NEU3: variants seen among roughly 807,000 people sequenced by gnomAD.
NEU3 encodes sialidase-3.
A neutral mutation model predicts 11.4 loss-of-function variants in NEU3; 10 were observed. The observed-to-expected ratio is 0.88, with a 90% CI of 0.54 to 1.49. NEU3 has a LOEUF of 1.49. Ranked by LOEUF, NEU3 falls within the 40% of genes most tolerant of loss-of-function variation. The pLI, the probability that NEU3 is intolerant of heterozygous loss-of-function variation, is 0.00. For synonymous variants in NEU3, 212 were observed against 228.2 expected, an observed-to-expected ratio of 0.93 and a Z score of 0.64; for missense variants, 529 against 581.8, an observed-to-expected ratio of 0.91 and a Z score of 0.93.
At chr11:75,002,625 T>C (rs1948857354) in intron 2 of NEU3, among the ~76,000 whole-genome samples, 2 of 152,168 alleles carry the variant, frequency 1.3e-5, no homozygotes, top group African/African-American at 4.8e-5. Flanking sequence ...GCACAAAACA[T>C]AAATGTCAGC....
At chr11:75,012,658 A>G (rs1948963885), downstream of NEU3, among the ~76,000 whole-genome samples, 1 of 152,222 alleles carries the variant, frequency 6.6e-6, no homozygotes, top group South Asian at 2.1e-4. Flanking sequence ...CTTGTGTTGA[A>G]GTTGCTCATT....
At chr11:74,985,441 T>C (rs1948659760), upstream of NEU3, among the ~76,000 whole-genome samples, 1 of 152,316 alleles carries the variant, frequency 6.6e-6, no homozygotes, top group South Asian at 2.1e-4. Flanking sequence ...TATACAGATA[T>C]ATAGAGACAT....
rs555992530 is a variant in NEU3, at chr11:74,997,763, T to C, written c.306+3043T>C. On this transcript the variant is annotated intron_variant, in intron 2 of 2. Transcript: ENST00000294064. ...CTGTAATCCCAGCTACTCAGGAGGC[T>C]GAGGCAGGAGAATCGCTTGAACACA... Among the ~76,000 whole-genome samples the C allele has an allele frequency of 4.0e-5, 6 of 150,744 alleles. No individual in the cohort carries two copies. In the South Asian group the frequency reaches 1.3e-3, roughly 32 times the overall value.
downstream of NEU3, among the ~76,000 whole-genome samples, chr11:75,019,761 C>A (rs1948995972): frequency 6.6e-6 from 1 of 152,206 alleles, no homozygotes; most frequent in South Asian, 2.1e-4. Context: ...TCATGGAGAA[C>A]TTCTGCTAGG....
intron 1 of NEU3, among the ~76,000 whole-genome samples, chr11:74,992,041 G>A (rs1288858629): frequency 6.6e-6 from 1 of 152,204 alleles, no homozygotes; most frequent in Non-Finnish European, 1.5e-5. Flanking sequence ...AGATAGGCTG[G>A]GGCAAAGGAG....
At chr11:74,991,580 C>T (rs1948732853) in intron 1 of NEU3, among the ~76,000 whole-genome samples, 1 of 152,140 alleles carries the variant, frequency 6.6e-6, no homozygotes, top group Admixed American at 6.5e-5. Context: ...AGTGGTCTCC[C>T]ATCTGTGGAA....
chr11:74,999,467 T>G (rs1948822643), intron 2 of NEU3, among the ~76,000 whole-genome samples: 1 of 152,204 alleles, frequency 6.6e-6, no homozygotes, highest in African/African-American at 2.4e-5. Flanking sequence ...TGAGCCCAAT[T>G]CTTTCCCAAT....
At chr11:74,995,475 C>G (rs1295616072) in intron 2 of NEU3, among the ~76,000 whole-genome samples, 1 of 152,142 alleles carries the variant, frequency 6.6e-6, no homozygotes, top group Admixed American at 6.5e-5. Flanking sequence ...TATTTCAGAT[C>G]CCAAATAGGC....
intron 3 of NEU3, among the ~76,000 whole-genome samples, chr11:75,017,138 A>G (rs551586572): frequency 6.6e-6 from 1 of 152,326 alleles, no homozygotes; most frequent in South Asian, 2.1e-4. Context: ...GAGGAAAGCT[A>G]TAATGTCCTT....
upstream of NEU3, among the ~76,000 whole-genome samples, chr11:74,986,415 G>C (rs1948665604): frequency 6.6e-6 from 1 of 152,086 alleles, no homozygotes; most frequent in Non-Finnish European, 1.5e-5. Context: ...TATTAATGAA[G>C]GAAATACAAG....
At chr11:75,000,776 AATTTATTTATTT>A (rs61008511) in intron 2 of NEU3, among the ~76,000 whole-genome samples, 80 of 134,528 alleles carry the variant, frequency 5.9e-4, no homozygotes, top group South Asian at 2.1e-3. Flanking sequence ...ATACCCAGCT[AATTTATTTATTT>A]ATTTATTTAT....
chr11:75,006,530 G>A lies in NEU3; in HGVS notation c.*38G>A. 6.4e-7 allele frequency: 1 copy of A among 1,564,470 alleles called. No homozygotes were observed. Among genetic ancestry groups the A allele is most frequent in the Non-Finnish European group, 8.6e-7 (1 of 1,156,350 alleles). On this transcript the variant is annotated 3_prime_UTR_variant, in exon 3 of 3. Transcript: ENST00000294064. ...CCAATTTCCATAGATGCAAATGGCAGTTACAGACAGGTTAACAGAAGCTAC... is the reference window on the plus strand; with the variant it reads ...CCAATTTCCATAGATGCAAATGGCAATTACAGACAGGTTAACAGAAGCTAC...
upstream of NEU3, among the ~76,000 whole-genome samples, chr11:74,986,640 C>T (rs1565490589): frequency 1.3e-5 from 2 of 152,108 alleles, no homozygotes; most frequent in Non-Finnish European, 2.9e-5. Flanking sequence ...ATATAGTCTC[C>T]TTTTCATTAA....
downstream of NEU3, among the ~76,000 whole-genome samples, chr11:75,015,744 C>T (rs1241627723): frequency 6.6e-6 from 1 of 152,150 alleles, no homozygotes; most frequent in African/African-American, 2.4e-5. Context: ...TACTACTGTT[C>T]CTATGGAATC....
chr11:74,985,347 C>G (rs764039959), upstream of NEU3, among the ~76,000 whole-genome samples: 2 of 152,160 alleles, frequency 1.3e-5, no homozygotes, highest in African/African-American at 2.4e-5. Context: ...CCTGCACTTT[C>G]AGAAGTTACT....
At position 75,005,503 on chromosome 11, in the gene NEU3, G is replaced by A. The variant is rs756884337; in HGVS notation, c.397G>A (p.Val133Met). 5.5e-5 allele frequency: 88 copies of A among 1,613,874 alleles called. No homozygotes were observed. The highest frequency in any genetic ancestry group is 7.4e-5 in the Non-Finnish European group (87 of 1,179,892). Residue 133 changes from valine (V) to methionine (M), a missense_variant, in exon 3 of 3, where the codon GTG (valine) becomes ATG (methionine). Val to Met is a conservative substitution (Grantham distance 21, BLOSUM62 1). Transcript: ENST00000294064. ...CPVWEQKSGC[V>M]FLFFICVRGH... Reference sequence around the variant, plus strand: ...TGTATGGGAGCAGAAGAGTGGTTGTGTGTTCCTGTTCTTCATCTGTGTGCG... The same window carrying A: ...TGTATGGGAGCAGAAGAGTGGTTGTATGTTCCTGTTCTTCATCTGTGTGCG...
downstream of NEU3, among the ~76,000 whole-genome samples, chr11:75,014,186 C>G (rs1234233133): frequency 2.6e-5 from 4 of 152,308 alleles, no homozygotes; most frequent in African/African-American, 9.6e-5. Flanking sequence ...CAGAGTCATC[C>G]TAAACATAGT....
At chr11:74,990,280 A>C in intron 1 of NEU3, 1 of 425,238 alleles carries the variant, frequency 2.4e-6, no homozygotes, top group Non-Finnish European at 4.2e-6. Context: ...ATGCAGCAAG[A>C]AATGGAGCTG....
the NEU3 span, among the ~76,000 whole-genome samples, chr11:74,983,229 A>G: frequency 1.3e-5 from 2 of 152,296 alleles, no homozygotes; most frequent in South Asian, 4.1e-4. Flanking sequence ...CTGCTGTTTT[A>G]TGGCTTTAGC....
Sources: allele counts gnomAD v4.1 joint callset (sites outside exome capture counted in the v4.1 genomes callset), GRCh38; gene constraint gnomAD v4.1.1; transcripts MANE v1.5; gene names NCBI Gene and HGNC (gene_info 2026-07-23, HGNC 2026-07-21).